UNC79: variants seen among roughly 807,000 people sequenced by gnomAD.
UNC79 encodes unc-79 subunit of NALCN channel complex.
A neutral mutation model predicts 283.1 loss-of-function variants in UNC79; 37 were observed. That is an observed-to-expected ratio of 0.13 (90% CI 0.10 to 0.17). The LOEUF (loss-of-function observed/expected upper bound fraction) is 0.17, where lower values mean the gene tolerates loss of function less well. UNC79 is among the 10% of genes least tolerant of loss of function. UNC79 has a pLI of 1.00. For synonymous variants in UNC79, 1,107 were observed against 1,200.2 expected (o/e 0.92, Z 1.61); for missense variants, 2,272 against 3,211.1 (o/e 0.71, Z 7.07).
intron 1 of UNC79, among the ~76,000 whole-genome samples, chr14:93,370,170 G>T (rs1289837845): frequency 6.6e-6 from 1 of 152,040 alleles, no homozygotes; most frequent in Non-Finnish European, 1.5e-5. Context: ...AACATTACAG[G>T]ACATTCTAAA....
intron 14 of UNC79, among the ~76,000 whole-genome samples, chr14:93,567,763 G>T (rs1237257858): frequency 2.0e-5 from 3 of 152,198 alleles, no homozygotes. Context: ...AGTTAGTTTA[G>T]AAAGTTTATT....
intron 1 of UNC79, among the ~76,000 whole-genome samples, chr14:93,421,313 C>T (rs368148802): frequency 6.6e-6 from 1 of 151,418 alleles, no homozygotes; most frequent in South Asian, 2.1e-4. Flanking sequence ...TTAGTGGCTA[C>T]TATGAGGAAC....
chr14:93,498,814 A>G (rs1158479966), intron 7 of UNC79, among the ~76,000 whole-genome samples: 1 of 152,162 alleles, frequency 6.6e-6, no homozygotes, highest in African/African-American at 2.4e-5. Flanking sequence ...ACCTATGGCT[A>G]ATGGAGTTTT....
intron 4 of UNC79, among the ~76,000 whole-genome samples, chr14:93,478,427 A>G (rs1478656983): frequency 2.0e-5 from 3 of 152,190 alleles, no homozygotes; most frequent in African/African-American, 7.2e-5. Flanking sequence ...GATCAAAATC[A>G]TTTTCAAGTA....
At chr14:93,381,803 T>C (rs2054671148) in intron 1 of UNC79, among the ~76,000 whole-genome samples, 1 of 152,206 alleles carries the variant, frequency 6.6e-6, no homozygotes, top group Non-Finnish European at 1.5e-5. Flanking sequence ...GTGTCAGCTT[T>C]AAACACTTGC....
chr14:93,524,047 T>A lies in UNC79; in HGVS notation c.963+5T>A, dbSNP rs1369168052. 1.2e-6 allele frequency: 2 copies of A among 1,614,086 alleles called. No individual in the cohort carries two copies. ...ATTAACAAACCAGCTGTGAAGGTAC[T>A]GTTTTATTAGACCTGGTGCCATACT... is the stretch of plus-strand genomic sequence containing the variant. On this transcript the variant is annotated splice_donor_5th_base_variant and intron_variant, in intron 8 of 48. Coordinates refer to ENST00000555664, the Ensembl canonical transcript of UNC79.
intron 23 of UNC79, among the ~76,000 whole-genome samples, chr14:93,594,938 CA>C (rs1278926493): frequency 6.6e-6 from 1 of 152,058 alleles, no homozygotes; most frequent in African/African-American, 2.4e-5. Context: ...ATGGCCACTT[CA>C]AAACGTTCTT....
intron 47 of UNC79, among the ~76,000 whole-genome samples, chr14:93,701,687 T>G (rs1008759453): frequency 3.2e-4 from 48 of 152,136 alleles, no homozygotes; most frequent in African/African-American, 1.2e-3. Flanking sequence ...CAAATTAACA[T>G]TTCTGAAATA....
intron 19 of UNC79, among the ~76,000 whole-genome samples, chr14:93,581,072 C>G (rs575088003): frequency 6.6e-6 from 1 of 152,056 alleles, no homozygotes; most frequent in Non-Finnish European, 1.5e-5. Flanking sequence ...GTTGCCATAC[C>G]TTGCTGTCTG....
chr14:93,518,745 A>G (rs956911190), intron 7 of UNC79, among the ~76,000 whole-genome samples: 10 of 151,818 alleles, frequency 6.6e-5, no homozygotes, highest in Admixed American at 6.6e-5. Context: ...TTATGCTTTT[A>G]TTGTATTTCA....
chr14:93,422,154 C>CAT (rs2055614503), intron 1 of UNC79, among the ~76,000 whole-genome samples: 1 of 151,722 alleles, frequency 6.6e-6, no homozygotes, highest in African/African-American at 2.4e-5. Context: ...TTTAGGGAGA[C>CAT]ATAATACATC....
At chr14:93,615,739 A>AAAAAAAG (rs2066666134) in intron 27 of UNC79, among the ~76,000 whole-genome samples, 2 of 145,680 alleles carry the variant, frequency 1.4e-5, no homozygotes, top group South Asian at 2.1e-4. Context: ...AAAAAAAAAA[A>AAAAAAAG]AAAAAAGAAA....
intron 4 of UNC79, among the ~76,000 whole-genome samples, chr14:93,481,714 AT>A (rs1405977548): frequency 6.6e-6 from 1 of 152,182 alleles, no homozygotes; most frequent in Non-Finnish European, 1.5e-5. Flanking sequence ...GGTGCATGTT[AT>A]GTTTCTATAA....
chr14:93,586,327 G>A (rs1357808249), intron 20 of UNC79, among the ~76,000 whole-genome samples: 1 of 152,212 alleles, frequency 6.6e-6, no homozygotes, highest in Non-Finnish European at 1.5e-5. Context: ...TTTGGGTAGG[G>A]TTAGCTCCAG....
intron 34 of UNC79, 78 bp from the exon 38 acceptor site, chr14:93,646,530 A>G: frequency 7.0e-7 from 1 of 1,428,048 alleles, no homozygotes; most frequent in Non-Finnish European, 9.8e-7. Flanking sequence ...GAAACACAAC[A>G]GGTCCTCCCA....
chr14:93,571,815 T>C, intron 14 of UNC79, 79 bp from the exon 15 acceptor site: 11 of 1,487,144 alleles, frequency 7.4e-6, no homozygotes, highest in East Asian at 4.6e-5. Context: ...TCTGTACCCA[T>C]TGCCTTAGGA....
At chr14:93,468,796 T>C (rs1374758503) in intron 2 of UNC79, among the ~76,000 whole-genome samples, 1 of 152,226 alleles carries the variant, frequency 6.6e-6, no homozygotes, top group Non-Finnish European at 1.5e-5. Context: ...TCCTTAGTGA[T>C]CCTGTTCTAT....
chr14:93,411,950 A>G (rs1374822020), intron 1 of UNC79, among the ~76,000 whole-genome samples: 1 of 152,246 alleles, frequency 6.6e-6, no homozygotes, highest in African/African-American at 2.4e-5. Context: ...TAAATAAGGC[A>G]CCAGGGACCA....
intron 1 of UNC79, among the ~76,000 whole-genome samples, chr14:93,390,222 A>G (rs2054857758): frequency 6.6e-6 from 1 of 152,232 alleles, no homozygotes; most frequent in South Asian, 2.1e-4. Flanking sequence ...AAAATATCAT[A>G]TGATCATCTC....
Sources: allele counts gnomAD v4.1 joint callset (sites outside exome capture counted in the v4.1 genomes callset), GRCh38; gene constraint gnomAD v4.1.1; transcripts MANE v1.5; gene names NCBI Gene and HGNC (gene_info 2026-07-23, HGNC 2026-07-21).